TEX11: variants seen among roughly 807,000 people sequenced by gnomAD.
TEX11 encodes the protein testis-expressed protein 11.
A neutral mutation model predicts 84.4 loss-of-function variants in TEX11; 7 were observed. The observed-to-expected ratio is 0.08, with a 90% CI of 0.05 to 0.16. The LOEUF is 0.16. TEX11 is among the 10% of genes least tolerant of loss of function. The pLI, the probability that TEX11 is intolerant of heterozygous loss-of-function variation, is 1.00. For synonymous variants in TEX11, 264 were observed against 222.8 expected (o/e 1.18, Z -1.64); for missense variants, 551 against 660.5 (o/e 0.83, Z 1.82).
Position 70,806,720 on chromosome X carries a change from C to G in TEX11, c.677G>C (p.Ser226Thr). The change falls in exon 9 of 30, where the codon AGT (serine) becomes ACT (threonine). Residue 226 changes from serine (S) to threonine (T), a missense_variant. By Grantham distance (58) the Ser-to-Thr change is moderately conservative. Coordinates refer to ENST00000374333, the MANE Select transcript of TEX11 (RefSeq NM_031276.3). ...TTTATGTTACCTAAGCCAGAAAGAACTTTCTTCATATTTATTATTCTTCTG... is the reference window on the plus strand; with the variant it reads ...TTTATGTTACCTAAGCCAGAAAGAAGTTTCTTCATATTTATTATTCTTCTG... ...ETQKNNKYEE[S>T]SFWLSQSYDI... The G allele has an allele frequency of 1.7e-6, 2 of 1,182,185 alleles. No homozygotes were observed. The highest frequency in any genetic ancestry group is 2.3e-6 in the Non-Finnish European group (2 of 875,137).
At chrX:70,738,315 G>A (rs2090710831) in intron 11 of TEX11, among the ~76,000 whole-genome samples, 1 of 112,111 alleles carries the variant, frequency 8.9e-6, no homozygotes, top group African/African-American at 3.2e-5. Context: ...CTTCTCAAAA[G>A]AAGACATTTA....
intron 7 of TEX11, among the ~76,000 whole-genome samples, chrX:70,837,422 C>T (rs954889590): frequency 9.1e-6 from 1 of 110,397 alleles, no homozygotes; most frequent in Non-Finnish European, 1.9e-5. Context: ...ATTAGCCAGG[C>T]AAGGTGGCAC....
chrX:70,706,660 T>G (rs1239966536), intron 13 of TEX11, among the ~76,000 whole-genome samples: 1 of 111,284 alleles, frequency 9.0e-6, no homozygotes, highest in Non-Finnish European at 1.9e-5. Context: ...TAAGTAGTGA[T>G]ATCCTTGAGA....
At chrX:70,671,006 T>C (rs918704991) in intron 15 of TEX11, among the ~76,000 whole-genome samples, 4 of 111,987 alleles carry the variant, frequency 3.6e-5, no homozygotes, top group African/African-American at 9.7e-5. Context: ...TTAATCTATG[T>C]TGCTATGTAG....
chrX:70,842,572 A>C lies in TEX11; in HGVS notation c.526-8979T>G, dbSNP rs187387918. ...AAGCATTCCCTTTGAAAACTGACAC[A>C]AGACAGGGATGCCCTCTCTCACCAC... On this transcript the variant is annotated intron_variant, in intron 7 of 29. Coordinates refer to ENST00000374333, the MANE Select transcript of TEX11 (RefSeq NM_031276.3). Among the ~76,000 whole-genome samples, 889 of 111,952 alleles carry C rather than the reference A, an allele frequency of 7.9e-3. 7 individuals are homozygous for C. The highest frequency in any genetic ancestry group is 0.028 in the African/African-American group (853 of 30,861).
intron 9 of TEX11, among the ~76,000 whole-genome samples, chrX:70,758,001 C>T (rs2090880346): frequency 9.0e-6 from 1 of 111,477 alleles, no homozygotes; most frequent in South Asian, 3.8e-4. Context: ...ACACTTCAAA[C>T]CAACAAAGAT....
intron 2 of TEX11, among the ~76,000 whole-genome samples, chrX:70,888,511 T>C (rs1205289988): frequency 5.4e-5 from 6 of 111,654 alleles, no homozygotes; most frequent in Admixed American, 1.9e-4. Context: ...AGACAGGCTG[T>C]TTGAAAATAC....
intron 9 of TEX11, among the ~76,000 whole-genome samples, chrX:70,748,738 C>T (rs778708475): frequency 2.7e-4 from 26 of 95,767 alleles, no homozygotes; most frequent in East Asian, 1.0e-3. Flanking sequence ...TGTAGATATG[C>T]GGCGTTATTT....
intron 17 of TEX11, among the ~76,000 whole-genome samples, chrX:70,640,420 G>A (rs1443498619): frequency 2.1e-4 from 22 of 104,339 alleles, no homozygotes; most frequent in African/African-American, 4.2e-4. Context: ...TACAGAGAAC[G>A]CCACAAAGAT....
chrX:70,520,475 A>G, the TEX11 span, among the ~76,000 whole-genome samples: 5 of 112,169 alleles, frequency 4.5e-5, no homozygotes, highest in African/African-American at 1.6e-4. Flanking sequence ...ATATTGCAGA[A>G]CAGCAAATAT....
chrX:70,869,879 C>A (rs954629812), intron 4 of TEX11, among the ~76,000 whole-genome samples: 3 of 112,035 alleles, frequency 2.7e-5, no homozygotes, highest in African/African-American at 9.7e-5. Flanking sequence ...CATTCATAAT[C>A]CAGCTGTTTA....
intron 8 of TEX11, among the ~76,000 whole-genome samples, chrX:70,825,956 T>G (rs1188542579): frequency 3.9e-5 from 4 of 102,318 alleles, no homozygotes; most frequent in Non-Finnish European, 4.0e-5. Flanking sequence ...CCAGCCTGGG[T>G]GCAAAAGAGT....
chrX:70,860,898 C>T lies in TEX11; in HGVS notation c.283G>A (p.Ala95Thr). ...VACKLLSMCE[A>T]SFASEQSIQR... ...ATACTTTGTTCTGAGGCAAATGAGG[C>T]TTCACACATACTCAGCAACTTGCAA... Residue 95 changes from alanine to threonine, a missense_variant, in exon 5 of 30, where the codon GCC becomes ACC. Ala to Thr is a moderately conservative substitution (Grantham distance 58). Transcript: ENST00000374333. 1 of 1,191,727 alleles carries T rather than the reference C, an allele frequency of 8.4e-7. No individual in the cohort carries two copies. Among genetic ancestry groups the T allele is most frequent in the Non-Finnish European group, 1.1e-6 (1 of 887,973 alleles).
chrX:70,525,232 C>T (rs184910345), downstream of TEX11, among the ~76,000 whole-genome samples: 4 of 109,706 alleles, frequency 3.6e-5, no homozygotes, highest in Admixed American at 2.0e-4. Context: ...AATTAATGGC[C>T]GTATGTGTAG....
chrX:70,853,019 G>A lies in TEX11; in HGVS notation c.525+15C>T, dbSNP rs1388186961. 6 of 1,205,418 alleles carry A rather than the reference G, an allele frequency of 5.0e-6. No homozygotes were observed. The highest frequency in any genetic ancestry group is 5.6e-6 in the Non-Finnish European group (5 of 892,103). ...AAATGCCCCACTGGAAGACCCTGGTGCCCACGATACCTACTGACTCTGCTT... is the reference window on the plus strand; with the variant it reads ...AAATGCCCCACTGGAAGACCCTGGTACCCACGATACCTACTGACTCTGCTT... On this transcript the variant is annotated intron_variant, in intron 7 of 29. Transcript: ENST00000374333.
chrX:70,699,735 G>GTCATCA (rs758637956), intron 13 of TEX11, among the ~76,000 whole-genome samples: 2 of 110,136 alleles, frequency 1.8e-5, no homozygotes, highest in Admixed American at 9.7e-5. Flanking sequence ...TCTGTTTATG[G>GTCATCA]TCATCATCAT....
intron 2 of TEX11, among the ~76,000 whole-genome samples, chrX:70,896,107 T>G (rs1347583596): frequency 9.0e-6 from 1 of 111,509 alleles, no homozygotes; most frequent in East Asian, 2.8e-4. Context: ...GGGAGAAAAT[T>G]TTTGCAATCT....
intron 20 of TEX11, 112 bp from the exon 21 acceptor site, chrX:70,610,655 G>A: frequency 1.3e-6 from 1 of 768,130 alleles, no homozygotes; most frequent in Non-Finnish European, 1.9e-6. Flanking sequence ...ATGCAAAATT[G>A]TGAAGTTTTT....
chrX:70,658,440 A>C (rs1441151057), intron 16 of TEX11, among the ~76,000 whole-genome samples: 2 of 111,593 alleles, frequency 1.8e-5, no homozygotes, highest in Non-Finnish European at 3.8e-5. Flanking sequence ...AACAAACAAA[A>C]AAACCCATAG....
Sources: allele counts gnomAD v4.1 joint callset (sites outside exome capture counted in the v4.1 genomes callset), GRCh38; gene constraint gnomAD v4.1.1; transcripts MANE v1.5; gene names NCBI Gene and HGNC (gene_info 2026-07-23, HGNC 2026-07-21).